Variants in LAMA5 observed in about 807,000 individuals in gnomAD.
LAMA5 encodes laminin subunit alpha-5.
In LAMA5, 260 loss-of-function variants were observed where a neutral mutation model predicts 433.4. The observed-to-expected ratio is 0.60, with a 90% confidence interval of 0.54 to 0.66. The LOEUF is 0.66. Ranked by LOEUF, LAMA5 falls within the 30% of genes least tolerant of loss-of-function variation. The probability of loss-of-function intolerance (pLI) is 0.00; values close to 1 mark genes in which losing one functional copy is unlikely to be tolerated. For missense variants in LAMA5, 5,378 were observed against 5,258.5 expected (o/e 1.02, Z -0.70); for synonymous variants, 2,620 against 2,226.6 (o/e 1.18, Z -4.97).
At chr20:62,325,713 C>T (rs1257775101) in intron 40 of LAMA5, among the ~76,000 whole-genome samples, 167 bp from the exon 41 acceptor site, 1 of 152,166 alleles carries the variant, frequency 6.6e-6, no homozygotes, top group Non-Finnish European at 1.5e-5. Flanking sequence ...CCAGCCAGCA[C>T]CTAGATCCCT....
chr20:62,320,768 T>C lies in LAMA5; in HGVS notation c.6619A>G (p.Arg2207Gly). The change falls in exon 49 of 80, where the codon AGG becomes GGG. Residue 2207 changes from arginine to glycine, a missense_variant. Coordinates refer to ENST00000252999, the MANE Select transcript of LAMA5 (RefSeq NM_005560.6). ...AGGTCAGCGATGGAGGCGTTCAGCC[T>C]GTGCAGACGGGCCCAGGCCATGGAG... ...ASSMAWARLHRLNASIADLQS... is the reference protein window; with the variant it reads ...ASSMAWARLHGLNASIADLQS... 1.9e-6 allele frequency: 3 copies of C among 1,612,610 alleles called. No homozygotes were observed. The highest frequency in any genetic ancestry group is 2.5e-6 in the Non-Finnish European group (3 of 1,179,892).
chr20:62,328,179 C>T, intron 35 of LAMA5, 62 bp downstream of exon 35: 1 of 1,525,880 alleles, frequency 6.6e-7, no homozygotes, highest in Admixed American at 2.0e-5. Context: ...GACCCTCTGG[C>T]TAGAGGAAAT....
chr20:62,329,272 T>G lies in LAMA5; in HGVS notation c.4120-19A>C. Reference sequence around the variant, plus strand: ...CATAATCCTAGGGGGTGAGGCCTGGTCACTCTCCCGCGGGCCCAGAGCCTG... The same window carrying G: ...CATAATCCTAGGGGGTGAGGCCTGGGCACTCTCCCGCGGGCCCAGAGCCTG... On this transcript the variant is annotated intron_variant, in intron 32 of 79. Coordinates refer to ENST00000252999, the MANE Select transcript of LAMA5 (RefSeq NM_005560.6). 6.3e-7 allele frequency: 1 copy of G among 1,576,736 alleles called. No homozygotes were observed. Among genetic ancestry groups the G allele is most frequent in the Non-Finnish European group, 8.7e-7 (1 of 1,148,488 alleles).
In LAMA5 at chr20:62,359,344, G is replaced by A. The variant is rs568898840; in HGVS notation, c.450+3056C>T. Among the ~76,000 whole-genome samples the A allele has an allele frequency of 6.6e-6, 1 of 152,172 alleles. No individual in the cohort carries two copies. ...GCCCAGCTCCTTACAACCTGGGCCC[G>A]CTGGGCTAGCGTGCTGGTGTAGTGG... On this transcript the variant is annotated intron_variant, in intron 2 of 79. Coordinates refer to ENST00000252999, the MANE Select transcript of LAMA5 (RefSeq NM_005560.6). The surrounding 1 kb of genome is among the most constrained non-coding windows in gnomAD (Gnocchi z 4.3).
rs771074056 is a variant in LAMA5 at position 62,312,297 on chromosome 20, A to T, written c.9380T>A (p.Phe3127Tyr). The T allele has an allele frequency of 1.2e-6, 2 of 1,610,800 alleles. No homozygotes were observed. The highest frequency in any genetic ancestry group is 2.2e-5 in the South Asian group (2 of 90,872). Residue 3127 changes from phenylalanine (F) to tyrosine (Y), a missense_variant, in exon 69 of 80, where the codon TTC becomes TAC. By Grantham distance (22) the Phe-to-Tyr change is conservative. Coordinates refer to ENST00000252999, the MANE Select transcript of LAMA5 (RefSeq NM_005560.6). ...CAGGCGAAGGAAGCCGTGGCCATGGAAAGTCATGGCGCGCCCCACCTGCGG... is the reference window on the plus strand; with the variant it reads ...CAGGCGAAGGAAGCCGTGGCCATGGTAAGTCATGGCGCGCCCCACCTGCGG... Reference protein sequence around the residue: ...ADLLVGRAMTFHGHGFLRLAL... With the variant: ...ADLLVGRAMTYHGHGFLRLAL...
intron 28 of LAMA5, among the ~76,000 whole-genome samples, chr20:62,331,682 T>C (rs1162022892): frequency 5.3e-5 from 8 of 152,158 alleles, no homozygotes; most frequent in Non-Finnish European, 1.0e-4. Flanking sequence ...GAGGTTGGTG[T>C]CTCGGAACAC....
chr20:62,323,962 C>T (rs565734812), intron 43 of LAMA5, 106 bp from the exon 44 acceptor site: 19 of 1,427,708 alleles, frequency 1.3e-5, no homozygotes, highest in Non-Finnish European at 1.7e-5. Context: ...GGGGCCCAGA[C>T]CTCACGGACA....
intron 48 of LAMA5, among the ~76,000 whole-genome samples, chr20:62,321,196 G>C (rs1473479693): frequency 7.5e-6 from 1 of 133,270 alleles, no homozygotes; most frequent in Non-Finnish European, 1.6e-5. Flanking sequence ...TGAAGGGGTG[G>C]GGCCAGTGGA....
At chr20:62,362,318 CT>C in intron 2 of LAMA5, 81 bp downstream of exon 2, 7 of 1,321,122 alleles carry the variant, frequency 5.3e-6, no homozygotes, top group Non-Finnish European at 6.9e-6. Flanking sequence ...GAGACCTCGC[CT>C]TCTGGTCCTG....
Position 62,309,603 on chromosome 20 carries a change from T to G in LAMA5, c.10948+113A>C, listed in dbSNP as rs948301655. On this transcript the variant is annotated intron_variant, in intron 79 of 79. Transcript: ENST00000252999. The stretch of plus-strand genomic sequence containing the variant: ...ACATCATAGGAGGGTGGTAGGGGGG[T>G]GGGAGGAGGGTGGGAGGGGGCAGGG... 1.6e-3 allele frequency: 452 copies of G among 284,002 alleles called. 3 individuals are homozygous for G. Among genetic ancestry groups the G allele is most frequent in the African/African-American group, 5.7e-3 (59 of 10,284 alleles). The allele number at this position is 284,002 out of a possible 1,614,324, so 17.6% of individuals were successfully genotyped here.
At chr20:62,366,155 T>C (rs962266921) in intron 1 of LAMA5, among the ~76,000 whole-genome samples, 2 of 152,110 alleles carry the variant, frequency 1.3e-5, no homozygotes, top group Admixed American at 6.5e-5. Flanking sequence ...CCGTTGGAGC[T>C]GACTTTGCTG....
At chr20:62,326,995 G>A (rs1337251243) in intron 38 of LAMA5, 29 bp from the exon 39 acceptor site, 1 of 1,511,494 alleles carries the variant, frequency 6.6e-7, no homozygotes, top group Admixed American at 1.7e-5. Context: ...GAGGTGACCT[G>A]GCCAGACTCT....
chr20:62,333,021 A>T lies in LAMA5; in HGVS notation c.3282+69T>A, dbSNP rs200844351. The T allele has an allele frequency of 1.8e-4, 254 of 1,404,620 alleles. 1 individual carries two copies. The East Asian group carries it at 3.9e-3, about 22-fold the overall frequency. 87.0% of individuals were successfully genotyped at this position (1,404,620 alleles called of 1,614,324 possible). On this transcript the variant is annotated intron_variant, in intron 26 of 79. Transcript: ENST00000252999. ...CCTGCTCCTATAACCTGCCACCGCC[A>T]CAGGACCCCCAGCCCCCAGGCCAAG...
intron 21 of LAMA5, 46 bp downstream of exon 21, chr20:62,334,475 AG>A: frequency 6.6e-7 from 1 of 1,524,220 alleles, no homozygotes; most frequent in South Asian, 1.2e-5. Context: ...CCGGAGGACA[AG>A]CTGCCTGCCC....
chr20:62,309,288 T>G lies in LAMA5; in HGVS notation c.*48A>C. Reference sequence around the variant, plus strand: ...CCTATGAGGCGAGCACAAGGGGCGGTGTGAGGCAGCTGCAGGGGCCTGACC... The same window carrying G: ...CCTATGAGGCGAGCACAAGGGGCGGGGTGAGGCAGCTGCAGGGGCCTGACC... On this transcript the variant is annotated 3_prime_UTR_variant, in exon 80 of 80. Transcript: ENST00000252999. The G allele has an allele frequency of 1.3e-6, 2 of 1,575,442 alleles. No homozygotes were observed. The highest frequency in any genetic ancestry group is 2.3e-5 in the South Asian group (2 of 88,204).
chr20:62,324,511 A>C lies in LAMA5; in HGVS notation c.5573T>G (p.Leu1858Arg), dbSNP rs1259417512. ...GCACTGACAAGGGACACATCGGCCC[A>C]GGAAGAGACCTTTGACGTCCCGATA... Reference protein sequence around the residue: ...GFYRDVKGLFLGRCVPCQCHG... With the variant: ...GFYRDVKGLFRGRCVPCQCHG... The change falls in exon 42 of 80, where the codon CTG (leucine) becomes CGG (arginine). Residue 1858 changes from leucine to arginine, a missense_variant. Physicochemically the swap from Leu to Arg is moderately radical, Grantham distance 102. Transcript: ENST00000252999. The surrounding 1 kb of genome is among the most constrained non-coding windows in gnomAD (Gnocchi z 4.4). The C allele has an allele frequency of 9.9e-6, 16 of 1,612,314 alleles. No individual in the cohort carries two copies. Among genetic ancestry groups the C allele is most frequent in the Non-Finnish European group, 1.4e-5 (16 of 1,179,788 alleles).
rs770747313 is a variant in LAMA5 at position 62,322,798 on chromosome 20, AC to A, written c.6065-41del. On this transcript the variant is annotated intron_variant, in intron 45 of 79. Coordinates refer to ENST00000252999, the MANE Select transcript of LAMA5 (RefSeq NM_005560.6). Reference sequence around the variant, plus strand: ...CGTGACTGCAGCCCTGGGCCCTCTCACCCCCCCAGGGAGCCCCTAGGCACCC... The same window carrying A: ...CGTGACTGCAGCCCTGGGCCCTCTCACCCCCCAGGGAGCCCCTAGGCACCC... 20 of 1,242,648 alleles carry A rather than the reference AC, an allele frequency of 1.6e-5. 1 individual carries two copies. The highest frequency in any genetic ancestry group is 2.9e-4 in the Middle Eastern group (1 of 3,478). 77.0% of individuals were successfully genotyped at this position (1,242,648 alleles called of 1,614,324 possible).
chr20:62,343,007 A>C (rs1251076398), intron 11 of LAMA5, among the ~76,000 whole-genome samples: 1 of 152,268 alleles, frequency 6.6e-6, no homozygotes, highest in Non-Finnish European at 1.5e-5. Flanking sequence ...AGTAGCGAAA[A>C]GATAAATTGT....
Position 62,328,269 on chromosome 20 carries a change from T to C in LAMA5, c.4624A>G (p.Thr1542Ala). The C allele has an allele frequency of 1.2e-6, 2 of 1,608,198 alleles. No individual in the cohort carries two copies. The highest frequency in any genetic ancestry group is 1.7e-6 in the Non-Finnish European group (2 of 1,178,040). ...GPGIQELTDP[T>A]CDTDSGQCKC... ...CACTGGCCGCTGTCTGTGTCACAGG[T>C]AGGGTCTGTGAGCTCCTGGATGCCG... The change falls in exon 35 of 80, where the codon ACC (threonine) becomes GCC (alanine). Residue 1542 changes from threonine to alanine, a missense_variant. Coordinates refer to ENST00000252999, the MANE Select transcript of LAMA5 (RefSeq NM_005560.6).
Sources: gnomAD v4.1 joint callset for allele counts (sites outside exome capture counted in the v4.1 genomes callset) on GRCh38, gnomAD v4.1.1 for gene constraint, Gnocchi (gnomAD v3.1) non-coding constraint, MANE v1.5 for transcripts, NCBI Gene and HGNC (gene_info 2026-07-23, HGNC 2026-07-21) for gene names.